Variants in MYOF observed in about 807,000 individuals in gnomAD.
MYOF encodes myoferlin, also known as fer-1-like 3, myoferlin.
Under a neutral mutation model 284.2 loss-of-function variants are expected in MYOF, and 244 were observed. That is an observed-to-expected ratio of 0.86 (90% CI 0.77 to 0.95). The LOEUF is 0.95. Ranked by LOEUF, MYOF falls within the 40% of genes least tolerant of loss-of-function variation. The pLI is 0.00. For missense variants in MYOF, 2,496 were observed against 2,560.6 expected (o/e 0.97, Z 0.54); for synonymous variants, 904 against 919.7 (o/e 0.98, Z 0.31).
At chr10:93,376,173 C>T (rs536916091) in intron 22 of MYOF, among the ~76,000 whole-genome samples, 41 of 152,266 alleles carry the variant, frequency 2.7e-4, no homozygotes, top group Admixed American at 4.6e-4. Flanking sequence ...TCTTAAAATT[C>T]ACAGACAATT....
chr10:93,406,737 G>A (rs543794725), intron 7 of MYOF, among the ~76,000 whole-genome samples: 1 of 152,134 alleles, frequency 6.6e-6, no homozygotes, highest in East Asian at 1.9e-4. Flanking sequence ...GAGGTTAGAG[G>A]TGAGAAGAAA....
chr10:93,443,224 C>T (rs2056323548), intron 3 of MYOF, among the ~76,000 whole-genome samples: 2 of 152,058 alleles, frequency 1.3e-5, no homozygotes, highest in Admixed American at 6.6e-5. Context: ...TGATTGTGTG[C>T]CATTTCTGGG....
chr10:93,328,427 T>G (rs139372156), intron 45 of MYOF, among the ~76,000 whole-genome samples: 8 of 152,312 alleles, frequency 5.3e-5, no homozygotes, highest in African/African-American at 1.9e-4. Context: ...GAACAAATGA[T>G]GGGATAAACC....
intron 4 of MYOF, among the ~76,000 whole-genome samples, chr10:93,426,459 C>G (rs1408835664): frequency 6.6e-6 from 1 of 152,154 alleles, no homozygotes; most frequent in East Asian, 1.9e-4. Context: ...TCACACACCT[C>G]CATCCTAGAC....
chr10:93,479,809 T>C (rs1056229495), intron 1 of MYOF, among the ~76,000 whole-genome samples: 3 of 152,164 alleles, frequency 2.0e-5, no homozygotes, highest in African/African-American at 7.2e-5. Flanking sequence ...CCACTCGATT[T>C]GTATGAAAAA....
In MYOF at chr10:93,336,028, C is replaced by G; in HGVS notation, c.4456G>C (p.Glu1486Gln). ...AGGCCCTCAAATTCTGCTACATTTT[C>G]TAGTTCACAATTATATATCTGAAAA... ...SKLKIYNCELENVAEFEGLTD... is the reference protein window; with the variant it reads ...SKLKIYNCELQNVAEFEGLTD... Residue 1486 changes from glutamate to glutamine, a missense_variant, in exon 41 of 54, where the codon GAA (glutamate) becomes CAA (glutamine). By Grantham distance (29) the Glu-to-Gln change is conservative (BLOSUM62 2). Coordinates refer to ENST00000359263, the MANE Select transcript of MYOF (RefSeq NM_013451.4). 6.2e-7 allele frequency: 1 copy of G among 1,613,978 alleles called. No individual in the cohort carries two copies. The highest frequency in any genetic ancestry group is 1.1e-5 in the South Asian group (1 of 91,024).
intron 23 of MYOF, 145 bp from the exon 24 acceptor site, chr10:93,373,230 TC>T: frequency 1.1e-6 from 1 of 948,564 alleles, no homozygotes; most frequent in Non-Finnish European, 1.6e-6. Flanking sequence ...ATTCCTGAGC[TC>T]CCATCTTCTA....
intron 3 of MYOF, among the ~76,000 whole-genome samples, chr10:93,447,337 T>A (rs980315148): frequency 2.6e-5 from 4 of 152,058 alleles, no homozygotes; most frequent in Non-Finnish European, 5.9e-5. Flanking sequence ...TAGTGTAAAC[T>A]GACTCAAAGC....
At chr10:93,372,217 C>T (rs759531159) in intron 24 of MYOF, among the ~76,000 whole-genome samples, 6 of 152,166 alleles carry the variant, frequency 3.9e-5, no homozygotes, top group African/African-American at 1.2e-4. Flanking sequence ...AGAGAGATGA[C>T]GTCAAAACAT....
At chr10:93,385,863 T>C (rs1846339867) in intron 19 of MYOF, among the ~76,000 whole-genome samples, 1 of 152,030 alleles carries the variant, frequency 6.6e-6, no homozygotes, top group South Asian at 2.1e-4. Context: ...TTTTTGCTTT[T>C]ACACTAAATT....
chr10:93,326,277 C>G (rs1843044674), intron 45 of MYOF, among the ~76,000 whole-genome samples: 1 of 152,172 alleles, frequency 6.6e-6, no homozygotes, highest in South Asian at 2.1e-4. Context: ...TCTCAGCCTC[C>G]CTTGCAGTTA....
chr10:93,374,389 C>T (rs1484508101), intron 23 of MYOF, among the ~76,000 whole-genome samples: 1 of 152,150 alleles, frequency 6.6e-6, no homozygotes, highest in Non-Finnish European at 1.5e-5. Flanking sequence ...ATAACTTGCC[C>T]AATGTTATAC....
intron 1 of MYOF, among the ~76,000 whole-genome samples, chr10:93,478,997 CT>C (rs566994749): frequency 4.8e-4 from 73 of 152,158 alleles, no homozygotes; most frequent in African/African-American, 1.7e-3. Context: ...ATCACTTCCC[CT>C]GGCCATTCTT....
At position 93,319,955 on chromosome 10, in the gene MYOF, C is replaced by T; in HGVS notation, c.5515G>A (p.Asp1839Asn). The T allele has an allele frequency of 6.2e-7, 1 of 1,614,174 alleles. No individual in the cohort carries two copies. The highest frequency in any genetic ancestry group is 8.5e-7 in the Non-Finnish European group (1 of 1,180,012). The stretch of plus-strand genomic sequence containing the variant: ...CGCCAGTTAAAATTCCCTTCACCAT[C>T]CAAAGATCTGTAATGGACATCTGTT... ...QKTDVHYRSLDGEGNFNWRFV... is the reference protein window; with the variant it reads ...QKTDVHYRSLNGEGNFNWRFV... The change falls in exon 49 of 54, where the codon GAT becomes AAT. Residue 1839 changes from aspartate to asparagine, a missense_variant. Coordinates refer to ENST00000359263, the MANE Select transcript of MYOF (RefSeq NM_013451.4).
chr10:93,423,741 A>G (rs1379374828), intron 5 of MYOF, among the ~76,000 whole-genome samples: 12 of 151,418 alleles, frequency 7.9e-5, no homozygotes, highest in South Asian at 2.1e-4. Flanking sequence ...GCTGAGGCAG[A>G]AGAATGGCGT....
chr10:93,469,395 C>T (rs2057085670), intron 1 of MYOF, among the ~76,000 whole-genome samples: 1 of 125,924 alleles, frequency 7.9e-6, no homozygotes, highest in South Asian at 2.9e-4. Context: ...AGCTAGACTG[C>T]ATCTCTGAAG....
chr10:93,350,538 C>G (rs1844460724), intron 35 of MYOF, among the ~76,000 whole-genome samples: 1 of 152,148 alleles, frequency 6.6e-6, no homozygotes. Context: ...GCCTCGAACT[C>G]CTGACTTCAA....
chr10:93,439,844 G>C (rs184034085), intron 3 of MYOF, among the ~76,000 whole-genome samples: 2 of 152,180 alleles, frequency 1.3e-5, no homozygotes, highest in African/African-American at 4.8e-5. Flanking sequence ...AGGGGGCTGG[G>C]CAGGTGGGCA....
At chr10:93,465,674 C>T (rs1358275339) in intron 1 of MYOF, among the ~76,000 whole-genome samples, 1 of 151,886 alleles carries the variant, frequency 6.6e-6, no homozygotes, top group Non-Finnish European at 1.5e-5. Context: ...GCCACCATGC[C>T]CATCTACTTT....
Sources: gnomAD v4.1 joint callset for allele counts (sites outside exome capture counted in the v4.1 genomes callset) on GRCh38, gnomAD v4.1.1 for gene constraint, MANE v1.5 for transcripts, NCBI Gene and HGNC (gene_info 2026-07-23, HGNC 2026-07-21) for gene names.